The following WWC2 variants were observed in gnomAD, a reference collection of about 807,000 sequenced individuals.
The protein encoded by WWC2 is protein WWC2.
In WWC2, 101 loss-of-function variants were observed where a neutral mutation model predicts 138.5. That is an observed-to-expected ratio of 0.73 (90% CI 0.62 to 0.86). The LOEUF is 0.86. WWC2 is among the 40% of genes least tolerant of loss of function. WWC2 has a pLI of 0.00. For synonymous variants in WWC2, 558 were observed against 538.4 expected, an observed-to-expected ratio of 1.04 and a Z score of -0.50; for missense variants, 1,420 against 1,419.4, an observed-to-expected ratio of 1.00 and a Z score of -0.01.
chr4:183,119,919 A>G (rs770619119), intron 1 of WWC2, among the ~76,000 whole-genome samples: 4 of 152,244 alleles, frequency 2.6e-5, no homozygotes, highest in Non-Finnish European at 5.9e-5. Context: ...ATATACATCC[A>G]TAGTGATAAT....
Position 183,319,437 on chromosome 4 carries a change from A to G in WWC2, c.*3708A>G, listed in dbSNP as rs997628447. The G allele has an allele frequency of 2.8e-6, 3 of 1,082,458 alleles. No individual in the cohort carries two copies. In the African/African-American group the frequency reaches 4.7e-5, roughly 17 times the overall value. The allele number at this position is 1,082,458 out of a possible 1,614,324, so 67.1% of individuals were successfully genotyped here. On this transcript the variant is annotated 3_prime_UTR_variant, in exon 23 of 23. Coordinates refer to ENST00000403733, the MANE Select transcript of WWC2 (RefSeq NM_024949.6). Reference sequence around the variant, plus strand: ...GGAAAGAAACTATAGTTTAATAGCCACAGGAAAAGATGCATTTTCAAAAAT... The same window carrying G: ...GGAAAGAAACTATAGTTTAATAGCCGCAGGAAAAGATGCATTTTCAAAAAT...
intron 4 of WWC2, among the ~76,000 whole-genome samples, chr4:183,233,312 C>T (rs1277007799): frequency 6.6e-6 from 1 of 151,550 alleles, no homozygotes; most frequent in East Asian, 1.9e-4. Flanking sequence ...CCTGCCACCA[C>T]ACCCGGCTAA....
At chr4:183,293,978 A>T (rs193035171) in intron 21 of WWC2, among the ~76,000 whole-genome samples, 94 of 152,252 alleles carry the variant, frequency 6.2e-4, no homozygotes, top group Middle Eastern at 3.4e-3. Context: ...TTTCCTATAA[A>T]TGACCATATA....
intron 4 of WWC2, among the ~76,000 whole-genome samples, chr4:183,230,549 C>T (rs1333514341): frequency 2.6e-5 from 4 of 152,126 alleles, no homozygotes; most frequent in East Asian, 1.9e-4. Context: ...CAGTGGCGCA[C>T]GCCTGTAATC....
intron 1 of WWC2, among the ~76,000 whole-genome samples, chr4:183,164,324 TATATATATATATACATA>T (rs1734057672): frequency 9.9e-4 from 1 of 1,014 alleles, no homozygotes; most frequent in Non-Finnish European, 2.5e-3. Context: ...TATATACATA[TATATATATATATACATA>T]TATATATTAT....
rs143681395 is a variant in WWC2, at chr4:183,201,710, T to C, written c.242-6243T>C. ...CTTGGGGCCAACCAGAAATACTTCG[T>C]TGGGCTGCATTAAGATTGAGATTAC... On this transcript the variant is annotated intron_variant, in intron 2 of 22. Transcript: ENST00000403733. Among the ~76,000 whole-genome samples the C allele has an allele frequency of 6.6e-3, 1,010 of 152,344 alleles. 11 individuals are homozygous for C. Among genetic ancestry groups the C allele is most frequent in the South Asian group, 0.023 (111 of 4,826 alleles).
At chr4:183,294,365 G>A (rs552471966) in intron 21 of WWC2, among the ~76,000 whole-genome samples, 12 of 152,298 alleles carry the variant, frequency 7.9e-5, no homozygotes, top group African/African-American at 2.9e-4. Flanking sequence ...AGAATAACAA[G>A]GAGAGGGACT....
At chr4:183,215,652 ACTCT>A (rs538987435) in intron 4 of WWC2, among the ~76,000 whole-genome samples, 21 of 152,102 alleles carry the variant, frequency 1.4e-4, no homozygotes, top group Non-Finnish European at 2.5e-4. Flanking sequence ...TATTTCTCTC[ACTCT>A]CTATGAGTTT....
intron 1 of WWC2, among the ~76,000 whole-genome samples, chr4:183,120,395 A>T (rs1732562175): frequency 6.6e-6 from 1 of 152,210 alleles, no homozygotes; most frequent in African/African-American, 2.4e-5. Context: ...ATGTACACAG[A>T]TTGATGCTGA....
chr4:183,283,367 A>G (rs1250619696), intron 18 of WWC2, among the ~76,000 whole-genome samples: 2 of 152,242 alleles, frequency 1.3e-5, no homozygotes, highest in South Asian at 2.1e-4. Flanking sequence ...CCAAGTTATT[A>G]AACAGGTAAC....
At chr4:183,153,012 C>T (rs182167358) in intron 1 of WWC2, among the ~76,000 whole-genome samples, 1 of 152,296 alleles carries the variant, frequency 6.6e-6, no homozygotes, top group East Asian at 1.9e-4. Context: ...CCTCCTGTCT[C>T]AGCCTCCGCA....
chr4:183,319,563 T>A lies in WWC2; in HGVS notation c.*3834T>A, dbSNP rs964556368. The stretch of plus-strand genomic sequence containing the variant: ...ACGCTTGTCCTTTCTGGCTTAGTGT[T>A]TCAGGTTGGTGTTTCTCGTCTCCAG... On this transcript the variant is annotated 3_prime_UTR_variant, in exon 23 of 23. Coordinates refer to ENST00000403733, the MANE Select transcript of WWC2 (RefSeq NM_024949.6). 1 of 1,609,784 alleles carries A rather than the reference T, an allele frequency of 6.2e-7. No homozygotes were observed. Among genetic ancestry groups the A allele is most frequent in the African/African-American group, 1.3e-5 (1 of 74,734 alleles).
chr4:183,285,999 G>A lies in WWC2; in HGVS notation c.3081G>A (p.Leu1027=), dbSNP rs1398159103. The A allele has an allele frequency of 5.6e-6, 9 of 1,595,388 alleles. No homozygotes were observed. In the African/African-American group the frequency reaches 8.0e-5, roughly 14 times the overall value. ...LNRSDSDSST[L]AKKSLFVRNS... Reference sequence around the variant, plus strand: ...GGAGTGACAGTGACAGTTCAACCCTGGCTAAAAAATCACTGTTTGTGAGAA... The same window carrying A: ...GGAGTGACAGTGACAGTTCAACCCTAGCTAAAAAATCACTGTTTGTGAGAA... The change falls in exon 20 of 23, where the codon CTG becomes CTA. Residue 1027 remains leucine (L), a synonymous_variant. Coordinates refer to ENST00000403733, the MANE Select transcript of WWC2 (RefSeq NM_024949.6).
rs140523459 is a variant in WWC2 at position 183,226,048 on chromosome 4, C to T, written c.523-14135C>T. Among the ~76,000 whole-genome samples, 22 of 151,060 alleles carry T rather than the reference C, an allele frequency of 1.5e-4. 1 individual carries two copies. The East Asian group carries it at 3.3e-3, about 23-fold the overall frequency. On this transcript the variant is annotated intron_variant, in intron 4 of 22. Transcript: ENST00000403733. ...AAGTTAGAAGTCAATAACAAAAAGC[C>T]GAAAAATGCAGAACTCGTCTGTGAA...
intron 21 of WWC2, among the ~76,000 whole-genome samples, chr4:183,302,786 G>A (rs1357304843): frequency 6.6e-6 from 1 of 152,170 alleles, no homozygotes; most frequent in Non-Finnish European, 1.5e-5. Context: ...GATAGAGGCT[G>A]GGTGCATTGG....
intron 1 of WWC2, among the ~76,000 whole-genome samples, chr4:183,137,120 C>A (rs990741013): frequency 6.6e-6 from 1 of 152,096 alleles, no homozygotes; most frequent in Non-Finnish European, 1.5e-5. Flanking sequence ...ACTGTGGAGG[C>A]CTTCAACATT....
intron 1 of WWC2, among the ~76,000 whole-genome samples, chr4:183,173,499 C>T: frequency 6.6e-6 from 1 of 151,934 alleles, no homozygotes; most frequent in Admixed American, 6.6e-5. Context: ...GACTAGTATT[C>T]TTAGCTTTTG....
intron 1 of WWC2, among the ~76,000 whole-genome samples, chr4:183,133,803 T>A (rs1487024193): frequency 6.6e-6 from 1 of 152,150 alleles, no homozygotes; most frequent in Non-Finnish European, 1.5e-5. Context: ...CCTTCTCATG[T>A]TTTTCTTGTC....
chr4:183,129,931 G>A (rs546894853), intron 1 of WWC2, among the ~76,000 whole-genome samples: 1 of 152,140 alleles, frequency 6.6e-6, no homozygotes, highest in African/African-American at 2.4e-5. Flanking sequence ...CTTCAGCAGA[G>A]TGCAGGGCTG....
Sources: allele counts gnomAD v4.1 joint callset (sites outside exome capture counted in the v4.1 genomes callset), GRCh38; gene constraint gnomAD v4.1.1; transcripts MANE v1.5; gene names NCBI Gene and HGNC (gene_info 2026-07-23, HGNC 2026-07-21).